The following SCLT1 variants were observed in gnomAD, a reference collection of about 807,000 sequenced individuals.
SCLT1 encodes sodium channel-associated protein 1.
In SCLT1, 78 loss-of-function variants were observed where a neutral mutation model predicts 112.8. That is an observed-to-expected ratio of 0.69 (90% CI 0.58 to 0.83). The LOEUF is 0.83. Among genes scored for constraint, SCLT1 ranks in the 40% least tolerant of loss-of-function variants. SCLT1 has a pLI of 0.00. For synonymous variants in SCLT1, 257 were observed against 254.7 expected (o/e 1.01, Z -0.09); for missense variants, 747 against 770.4 (o/e 0.97, Z 0.36).
chr4:129,049,294 G>A (rs1368929834), intron 2 of SCLT1, among the ~76,000 whole-genome samples: 1 of 152,044 alleles, frequency 6.6e-6, no homozygotes, highest in Admixed American at 6.6e-5. Flanking sequence ...GGAATACTAT[G>A]CAGCCATAAA....
rs575802580 is a variant in SCLT1 at position 129,071,571 on chromosome 4, TTTTTTTG to T, written c.102+10728_102+10734del. 1.3e-3 allele frequency among the ~76,000 whole-genome samples: 192 copies of T among 152,216 alleles called. 1 individual carries two copies. The Middle Eastern group carries it at 0.031, about 24-fold the overall frequency. On this transcript the variant is annotated intron_variant, in intron 2 of 20. Transcript: ENST00000281142. ...CTTTTAACTGCTGTTGCTTTAAAGT[TTTTTTTG>T]TTTTTTGTTTTTTGTTTTGTCTGAT...
At chr4:129,056,627 TC>T (rs749729275) in intron 2 of SCLT1, among the ~76,000 whole-genome samples, 50 of 152,362 alleles carry the variant, frequency 3.3e-4, no homozygotes, top group Non-Finnish European at 6.3e-4. Flanking sequence ...TTGATTTTTT[TC>T]TCCCACTAGT....
chr4:129,091,798 G>A (rs920675367), intron 1 of SCLT1, among the ~76,000 whole-genome samples: 2 of 152,166 alleles, frequency 1.3e-5, no homozygotes, highest in Admixed American at 6.5e-5. Context: ...AAACTGAGGT[G>A]CAGAAAAGCT....
chr4:129,047,664 T>C (rs1464015011), intron 2 of SCLT1, among the ~76,000 whole-genome samples: 1 of 152,130 alleles, frequency 6.6e-6, no homozygotes, highest in Non-Finnish European at 1.5e-5. Flanking sequence ...TGCCTGTCTT[T>C]AGGATAAAAG....
At chr4:128,965,894 C>T (rs970776150) in intron 10 of SCLT1, among the ~76,000 whole-genome samples, 4 of 146,262 alleles carry the variant, frequency 2.7e-5, no homozygotes, top group Non-Finnish European at 5.9e-5. Context: ...TGCGGTGGTA[C>T]GATCTTGGCT....
chr4:129,041,764 G>A (rs1370278007), intron 4 of SCLT1: 1 of 152,154 alleles, frequency 6.6e-6, no homozygotes, highest in East Asian at 1.9e-4. Flanking sequence ...TTATTTTTCT[G>A]AGACAGAGTC....
intron 9 of SCLT1, among the ~76,000 whole-genome samples, chr4:128,978,833 C>T (rs565962763): frequency 6.6e-6 from 1 of 151,878 alleles, no homozygotes; most frequent in East Asian, 1.9e-4. Context: ...CCGAAACATA[C>T]AGGAGGGAAT....
chr4:129,060,914 G>T (rs1749906652), intron 2 of SCLT1, among the ~76,000 whole-genome samples: 1 of 152,032 alleles, frequency 6.6e-6, no homozygotes, highest in Admixed American at 6.6e-5. Context: ...TGGCAGGTTT[G>T]GATGTAGAGT....
At chr4:128,910,217 C>T (rs1250846378) in intron 18 of SCLT1, among the ~76,000 whole-genome samples, 1 of 152,160 alleles carries the variant, frequency 6.6e-6, no homozygotes, top group Admixed American at 6.5e-5. Context: ...AGTTTACATT[C>T]CCACCTATAC....
Position 129,055,826 on chromosome 4 carries a change from A to C in SCLT1, c.103-11775T>G, listed in dbSNP as rs537360235. On this transcript the variant is annotated intron_variant, in intron 2 of 20. Coordinates refer to ENST00000281142, the MANE Select transcript of SCLT1 (RefSeq NM_144643.4). ...TCCAGGCGCCACTGGCATAAAAAAA[A>C]AAAAACAAAAACAAACAAACAAACA... Among the ~76,000 whole-genome samples, 857 of 149,230 alleles carry C rather than the reference A, an allele frequency of 5.7e-3. 8 individuals carry two copies. The highest frequency in any genetic ancestry group is 0.019 in the African/African-American group (789 of 41,260).
intron 20 of SCLT1, among the ~76,000 whole-genome samples, chr4:128,888,078 T>A (rs1177812443): frequency 6.6e-6 from 1 of 152,236 alleles, no homozygotes; most frequent in African/African-American, 2.4e-5. Flanking sequence ...TACATACAGC[T>A]ATTGAGCACT....
At chr4:128,968,678 C>T (rs1276692048) in intron 10 of SCLT1, among the ~76,000 whole-genome samples, 1 of 151,940 alleles carries the variant, frequency 6.6e-6, no homozygotes, top group Non-Finnish European at 1.5e-5. Flanking sequence ...ATTGCAGTTA[C>T]TCTGTTTCGT....
At chr4:128,962,987 G>C (rs1739872340) in intron 11 of SCLT1, among the ~76,000 whole-genome samples, 1 of 152,098 alleles carries the variant, frequency 6.6e-6, no homozygotes, top group Non-Finnish European at 1.5e-5. Flanking sequence ...ATTTGCTGAA[G>C]AAAGGCGAAA....
chr4:128,929,011 A>C (rs1177298239), intron 18 of SCLT1, among the ~76,000 whole-genome samples: 3 of 152,152 alleles, frequency 2.0e-5, no homozygotes, highest in African/African-American at 4.8e-5. Context: ...GATTATCCCT[A>C]CTCTGTGCAT....
intron 14 of SCLT1, chr4:128,952,272 T>A: frequency 2.2e-6 from 1 of 445,186 alleles, no homozygotes; most frequent in Non-Finnish European, 4.5e-6. Context: ...ATACTTTTAT[T>A]CTCCTATAAG....
At chr4:129,068,779 AG>A (rs2125747836) in intron 2 of SCLT1, among the ~76,000 whole-genome samples, 1 of 152,306 alleles carries the variant, frequency 6.6e-6, no homozygotes, top group East Asian at 1.9e-4. Context: ...TAGTTTAATT[AG>A]ATCCCAGCTA....
rs61267810 is a variant in SCLT1, at chr4:128,931,907, G to T, written c.1829+4748C>A. Among the ~76,000 whole-genome samples the T allele has an allele frequency of 3.8e-3, 575 of 151,298 alleles. 1 individual carries two copies. Among genetic ancestry groups the T allele is most frequent in the African/African-American group, 0.012 (476 of 41,316 alleles). ...TTTCTTACCTTCAACTCTCAAGCCA[G>T]ATAATTATATTTATTCCTAAAATCT... On this transcript the variant is annotated intron_variant, in intron 18 of 20. Transcript: ENST00000281142.
At chr4:128,881,195 ATGT>A (rs199571642), downstream of SCLT1, among the ~76,000 whole-genome samples, 3,610 of 152,234 alleles carry the variant, frequency 0.024, 113 homozygotes, top group African/African-American at 0.074. Context: ...CTCTGTCTAC[ATGT>A]TGTTTATGTG....
intron 16 of SCLT1, among the ~76,000 whole-genome samples, chr4:128,944,277 T>C (rs979387164): frequency 3.3e-5 from 5 of 152,154 alleles, no homozygotes; most frequent in African/African-American, 4.8e-5. Flanking sequence ...GGAATGATAA[T>C]AAAAGGATGC....
Sources: allele counts gnomAD v4.1 joint callset (sites outside exome capture counted in the v4.1 genomes callset), GRCh38; gene constraint gnomAD v4.1.1; transcripts MANE v1.5; gene names NCBI Gene and HGNC (gene_info 2026-07-23, HGNC 2026-07-21).